The following XPR1 variants were observed in gnomAD, a reference collection of about 807,000 sequenced individuals.
XPR1 encodes the protein xenotropic and polytropic retrovirus receptor 1.
Under a neutral mutation model 87.5 loss-of-function variants are expected in XPR1, and 28 were observed. That is an observed-to-expected ratio of 0.32 (90% confidence interval 0.24 to 0.44). The LOEUF (loss-of-function observed/expected upper bound fraction) is 0.44. Among genes scored for constraint, XPR1 ranks in the 20% least tolerant of loss-of-function variants. The pLI is 1.00. For synonymous variants in XPR1, 300 were observed against 306.1 expected (o/e 0.98, Z 0.21); for missense variants, 559 against 862.3 (o/e 0.65, Z 4.41).
intron 1 of XPR1, among the ~76,000 whole-genome samples, chr1:180,636,383 A>G (rs898143882): frequency 1.3e-5 from 2 of 152,264 alleles, no homozygotes; most frequent in African/African-American, 2.4e-5. Flanking sequence ...GATTGCGTCA[A>G]TGAGATGGTT....
At chr1:180,674,971 T>C (rs1337329050) in intron 1 of XPR1, among the ~76,000 whole-genome samples, 1 of 152,206 alleles carries the variant, frequency 6.6e-6, no homozygotes, top group Admixed American at 6.5e-5. Flanking sequence ...TTGAATATTA[T>C]TGGTTTGTGG....
At chr1:180,669,112 A>G (rs1469458855) in intron 1 of XPR1, among the ~76,000 whole-genome samples, 2 of 151,188 alleles carry the variant, frequency 1.3e-5, no homozygotes, top group Non-Finnish European at 3.0e-5. Context: ...AAAAAAATCT[A>G]TTGAGGCTTA....
Position 180,803,549 on chromosome 1 carries a change from A to G in XPR1, c.385A>G (p.Lys129Glu). The G allele has an allele frequency of 1.9e-6, 3 of 1,613,542 alleles. No homozygotes were observed. Among genetic ancestry groups the G allele is most frequent in the Non-Finnish European group, 2.5e-6 (3 of 1,179,976 alleles). The change falls in exon 4 of 15, where the codon AAA becomes GAA. Residue 129 changes from lysine (K) to glutamate (E), a missense_variant. Coordinates refer to ENST00000367590, the MANE Select transcript of XPR1 (RefSeq NM_004736.4). ...HEERVQHRNIKDLKLAFSEFY... is the reference protein window; with the variant it reads ...HEERVQHRNIEDLKLAFSEFY... ...GGAACGTGTCCAACATAGAAATATT[A>G]AAGACCTTAAACTGGCCTTCAGTGA... is the stretch of plus-strand genomic sequence containing the variant.
chr1:180,662,077 T>A (rs920510625), intron 1 of XPR1, among the ~76,000 whole-genome samples: 4 of 152,238 alleles, frequency 2.6e-5, no homozygotes, highest in Non-Finnish European at 5.9e-5. Context: ...GATCAGTTCA[T>A]CTTTTCATCT....
chr1:180,776,029 C>A (rs1451080612), intron 2 of XPR1, among the ~76,000 whole-genome samples: 1 of 152,038 alleles, frequency 6.6e-6, no homozygotes, highest in Admixed American at 6.5e-5. Flanking sequence ...TACGTTGTTG[C>A]CATTTTGGAT....
intron 2 of XPR1, among the ~76,000 whole-genome samples, chr1:180,709,927 A>T (rs1377563326): frequency 1.4e-5 from 2 of 147,198 alleles, no homozygotes; most frequent in Non-Finnish European, 3.0e-5. Context: ...TATTTTCGAG[A>T]TGGAGTTTTG....
intron 2 of XPR1, among the ~76,000 whole-genome samples, chr1:180,730,798 G>A (rs1388538992): frequency 6.6e-6 from 1 of 151,768 alleles, no homozygotes; most frequent in Non-Finnish European, 1.5e-5. Context: ...GCATAGCTAG[G>A]ACCATAAGTG....
chr1:180,853,337 T>G (rs763741087), intron 11 of XPR1, among the ~76,000 whole-genome samples: 1 of 152,210 alleles, frequency 6.6e-6, no homozygotes, highest in Non-Finnish European at 1.5e-5. Context: ...CTTCTATTAT[T>G]CTGTTAACAG....
At chr1:180,847,549 C>A (rs1382151692) in intron 11 of XPR1, among the ~76,000 whole-genome samples, 1 of 152,002 alleles carries the variant, frequency 6.6e-6, no homozygotes, top group African/African-American at 2.4e-5. Context: ...AGAATAATTC[C>A]CACCTCATAA....
At chr1:180,751,807 G>A (rs1006577846) in intron 2 of XPR1, among the ~76,000 whole-genome samples, 4 of 152,052 alleles carry the variant, frequency 2.6e-5, no homozygotes, top group Non-Finnish European at 5.9e-5. Flanking sequence ...AAGAGCAGAT[G>A]GCAATAATCA....
intron 7 of XPR1, among the ~76,000 whole-genome samples, chr1:180,817,510 CTA>C (rs902974654): frequency 6.6e-6 from 1 of 152,080 alleles, no homozygotes; most frequent in African/African-American, 2.4e-5. Flanking sequence ...TGTGTCTTTT[CTA>C]TGTTTAGAGA....
intron 2 of XPR1, among the ~76,000 whole-genome samples, chr1:180,782,594 CTT>C (rs1438085945): frequency 6.6e-6 from 1 of 151,848 alleles, no homozygotes; most frequent in Non-Finnish European, 1.5e-5. Flanking sequence ...TCTGGTGTCT[CTT>C]TTTTTATAGG....
intron 2 of XPR1, among the ~76,000 whole-genome samples, chr1:180,704,814 G>GTTTTTTTTTTTTTTTTTT (rs567903048): frequency 1.5e-4 from 8 of 51,942 alleles, no homozygotes; most frequent in East Asian, 6.4e-4. Context: ...ACTGTTGGTT[G>GTTTTTTTTTTTTTTTTTT]TTTTTTTTTT....
chr1:180,773,981 C>T (rs1040374202), intron 2 of XPR1, among the ~76,000 whole-genome samples: 21 of 152,058 alleles, frequency 1.4e-4, no homozygotes, highest in Non-Finnish European at 3.1e-4. Context: ...TTTTCATAGT[C>T]AGTTGTTTCC....
intron 2 of XPR1, among the ~76,000 whole-genome samples, chr1:180,745,169 A>G (rs1456454718): frequency 2.6e-5 from 4 of 152,186 alleles, no homozygotes; most frequent in East Asian, 3.8e-4. Context: ...AGATCCGATT[A>G]TGCAAGCTTT....
intron 6 of XPR1, among the ~76,000 whole-genome samples, chr1:180,808,586 A>T (rs1650086883): frequency 1.3e-5 from 2 of 152,164 alleles, no homozygotes; most frequent in African/African-American, 4.8e-5. Flanking sequence ...TATATAAAGA[A>T]CTCCAATACT....
intron 13 of XPR1, among the ~76,000 whole-genome samples, chr1:180,876,144 G>T (rs1002001492): frequency 2.0e-5 from 3 of 151,904 alleles, no homozygotes; most frequent in African/African-American, 7.3e-5. Context: ...AGCATAAAAG[G>T]AAACACTTTC....
At chr1:180,756,523 A>G (rs1180748343) in intron 2 of XPR1, among the ~76,000 whole-genome samples, 1 of 152,206 alleles carries the variant, frequency 6.6e-6, no homozygotes, top group East Asian at 1.9e-4. Flanking sequence ...CCTTATAAAT[A>G]CAAGTCCTTC....
intron 2 of XPR1, among the ~76,000 whole-genome samples, chr1:180,682,693 T>C (rs1656618488): frequency 6.6e-6 from 1 of 152,074 alleles, no homozygotes; most frequent in South Asian, 2.1e-4. Context: ...TGTGTAATGC[T>C]TCCTTGCCTT....
Sources: gnomAD v4.1 joint callset for allele counts (sites outside exome capture counted in the v4.1 genomes callset) on GRCh38, gnomAD v4.1.1 for gene constraint, MANE v1.5 for transcripts, NCBI Gene and HGNC (gene_info 2026-07-23, HGNC 2026-07-21) for gene names.